PGR: variants seen among roughly 807,000 people sequenced by gnomAD.
PGR encodes the protein nuclear receptor subfamily 3 group C member 3.
A neutral mutation model predicts 76.1 loss-of-function variants in PGR; 25 were observed. The observed-to-expected ratio is 0.33, with a 90% CI of 0.24 to 0.46. The LOEUF is 0.46. Ranked by LOEUF, PGR falls within the 20% of genes least tolerant of loss-of-function variation. The pLI, the probability that PGR is intolerant of heterozygous loss-of-function variation, is 1.00. For synonymous variants in PGR, 579 were observed against 535.0 expected (o/e 1.08, Z -1.14); for missense variants, 1,172 against 1,225.3 (o/e 0.96, Z 0.65).
At chr11:101,115,921 C>T (rs889057300) in intron 2 of PGR, among the ~76,000 whole-genome samples, 2 of 152,064 alleles carry the variant, frequency 1.3e-5, no homozygotes, top group Non-Finnish European at 2.9e-5. Context: ...ATGTATTGGG[C>T]CAATTGTGTT....
intron 2 of PGR, among the ~76,000 whole-genome samples, chr11:101,103,887 C>T (rs1253925955): frequency 2.6e-5 from 4 of 152,146 alleles, no homozygotes; most frequent in Non-Finnish European, 5.9e-5. Context: ...TTCTGTTATA[C>T]GTGTTCTACC....
At chr11:101,120,146 G>A (rs752028771) in intron 2 of PGR, among the ~76,000 whole-genome samples, 4 of 152,168 alleles carry the variant, frequency 2.6e-5, no homozygotes, top group African/African-American at 9.6e-5. Flanking sequence ...TGTTGGCCAC[G>A]GCTCTGGCAT....
rs1166395214 is a variant in PGR, at chr11:101,030,558, T to C, written c.*8558A>G. 8.8e-6 allele frequency: 2 copies of C among 225,990 alleles called. No homozygotes were observed. Among genetic ancestry groups the C allele is most frequent in the Non-Finnish European group, 1.8e-5 (2 of 113,556 alleles). 14.0% of individuals were successfully genotyped at this position (225,990 alleles called of 1,614,324 possible). The stretch of plus-strand genomic sequence containing the variant: ...AACTGAAATAATTAATCTTTGTGTT[T>C]TTCTCTTTGGCACTGGACCTTTCTC... On this transcript the variant is annotated 3_prime_UTR_variant, in exon 8 of 8. Transcript: ENST00000325455.
At chr11:101,118,526 GAAAA>G (rs1402108745) in intron 2 of PGR, among the ~76,000 whole-genome samples, 1 of 151,972 alleles carries the variant, frequency 6.6e-6, no homozygotes, top group Non-Finnish European at 1.5e-5. Flanking sequence ...TATGCTTTAA[GAAAA>G]AAGTTATGAT....
intron 2 of PGR, among the ~76,000 whole-genome samples, chr11:101,110,587 C>T (rs1862314606): frequency 6.6e-6 from 1 of 152,126 alleles, no homozygotes; most frequent in Non-Finnish European, 1.5e-5. Flanking sequence ...ATTCAATCTG[C>T]TCCTGGTGAA....
At chr11:101,092,472 C>T (rs559548573) in intron 2 of PGR, among the ~76,000 whole-genome samples, 2 of 152,148 alleles carry the variant, frequency 1.3e-5, no homozygotes, top group South Asian at 4.1e-4. Flanking sequence ...TTAGAAAATA[C>T]CTTGAACAGA....
At chr11:101,091,942 G>T in intron 2 of PGR, 66 bp from the exon 3 acceptor site, 1 of 836,570 alleles carries the variant, frequency 1.2e-6, no homozygotes, top group Non-Finnish European at 2.0e-6. Context: ...TCTATGCAGT[G>T]ACAACTGAAA....
chr11:101,104,954 A>C (rs981751546), intron 2 of PGR, among the ~76,000 whole-genome samples: 3 of 152,180 alleles, frequency 2.0e-5, no homozygotes, highest in Admixed American at 1.3e-4. Flanking sequence ...GTTATGTTTC[A>C]GGATACTCAT....
rs1418100383 is a variant in PGR at position 101,035,882 on chromosome 11, G to C, written c.*3234C>G. The C allele has an allele frequency of 4.3e-6, 1 of 230,414 alleles. No individual in the cohort carries two copies. The highest frequency in any genetic ancestry group is 2.2e-5 in the African/African-American group (1 of 45,178). The allele number at this position is 230,414 out of a possible 1,614,324, so 14.3% of individuals were successfully genotyped here. On this transcript the variant is annotated 3_prime_UTR_variant, in exon 8 of 8. Coordinates refer to ENST00000325455, the MANE Select transcript of PGR (RefSeq NM_000926.4). ...GCTTTCACTGTAGAATATAGCTGGT[G>C]AGTTTGATAAAATTATAGCCAGAAC...
At chr11:101,041,664 A>C (rs1196435226) in intron 7 of PGR, 1 of 360,472 alleles carries the variant, frequency 2.8e-6, no homozygotes, top group African/African-American at 2.1e-5. Context: ...AATTTTAGGC[A>C]CAAATATTTT....
intron 3 of PGR, among the ~76,000 whole-genome samples, chr11:101,090,146 C>T (rs990877587): frequency 1.3e-5 from 2 of 151,964 alleles, no homozygotes; most frequent in Non-Finnish European, 2.9e-5. Flanking sequence ...TGCAGTGAGC[C>T]AAGATTGCAC....
In PGR at chr11:101,042,084, C is replaced by T. The variant is rs1000609240; in HGVS notation, c.2507G>A (p.Arg836Gln). The T allele has an allele frequency of 9.9e-6, 16 of 1,613,316 alleles. No individual in the cohort carries two copies. Among genetic ancestry groups the T allele is most frequent in the Middle Eastern group, 3.3e-4 (2 of 6,082 alleles). Residue 836 changes from arginine (R) to glutamine (Q), a missense_variant, in exon 7 of 8, where the codon CGA becomes CAA. By Grantham distance (43) the Arg-to-Gln change is conservative. This residue lies in a region of PGR where 166 missense variants were observed against 296.0 expected (regional missense o/e 0.56). Coordinates refer to ENST00000325455, the MANE Select transcript of PGR (RefSeq NM_000926.4). ...LLNTIPLEGL[R>Q]SQTQFEEMRS... is the part of the protein sequence containing the mutation. ...CATCTCCTCAAACTGGGTTTGACTT[C>T]GTAGCCCTTCCAAAGGAACTGTTAA...
At chr11:101,102,631 T>G (rs1333452985) in intron 2 of PGR, among the ~76,000 whole-genome samples, 1 of 152,016 alleles carries the variant, frequency 6.6e-6, no homozygotes, top group Non-Finnish European at 1.5e-5. Flanking sequence ...GATCCAAGGA[T>G]TTTTGATAAA....
Position 101,038,999 on chromosome 11 carries a change from G to T in PGR, c.*117C>A. 1 of 700,690 alleles carries T rather than the reference G, an allele frequency of 1.4e-6. No homozygotes were observed. Among genetic ancestry groups the T allele is most frequent in the Non-Finnish European group, 2.4e-6 (1 of 408,734 alleles). 43.4% of individuals were successfully genotyped at this position (700,690 alleles called of 1,614,324 possible). ...TTTTTCTTTTAAATTTACACACTAT[G>T]ATGTTATAAATGTAAGGCTTTCAGA... On this transcript the variant is annotated 3_prime_UTR_variant, in exon 8 of 8. Transcript: ENST00000325455.
rs1862304177 is a variant in PGR, at chr11:101,110,274, A to C, written c.1789+15733T>G. On this transcript the variant is annotated intron_variant, in intron 2 of 7. Transcript: ENST00000325455. ...CCTCTGATGAATCTGGGCAAAGTAC[A>C]TTGAAAATCTTTTAGAAAGCGTTCA... Among the ~76,000 whole-genome samples, 5 of 152,192 alleles carry C rather than the reference A, an allele frequency of 3.3e-5. No homozygotes were observed. In the South Asian group the frequency reaches 1.0e-3, roughly 31 times the overall value.
At chr11:101,080,378 C>T (rs778401612) in intron 3 of PGR, among the ~76,000 whole-genome samples, 3 of 150,850 alleles carry the variant, frequency 2.0e-5, no homozygotes, top group Non-Finnish European at 4.4e-5. Context: ...TCCTACCCAG[C>T]ATTCTTTAGA....
chr11:101,053,306 CT>C (rs1428968042), intron 4 of PGR, among the ~76,000 whole-genome samples: 1 of 152,136 alleles, frequency 6.6e-6, no homozygotes, highest in Non-Finnish European at 1.5e-5. Flanking sequence ...AAAGAAGGCT[CT>C]TCTCTTCATA....
At position 101,032,046 on chromosome 11, in the gene PGR, A is replaced by G. The variant is rs1422660904; in HGVS notation, c.*7070T>C. 1 of 232,866 alleles carries G rather than the reference A, an allele frequency of 4.3e-6. No individual in the cohort carries two copies. The highest frequency in any genetic ancestry group is 8.5e-6 in the Non-Finnish European group (1 of 117,854). 14.4% of individuals were successfully genotyped at this position (232,866 alleles called of 1,614,324 possible). A position where few individuals can be genotyped will look rare whatever the true frequency, so the allele number is the denominator to read the frequency against. On this transcript the variant is annotated 3_prime_UTR_variant, in exon 8 of 8. Coordinates refer to ENST00000325455, the MANE Select transcript of PGR (RefSeq NM_000926.4). ...ACAGATAGAATTCTGGGACTTGGGA[A>G]AACTAAGTTTTGTAGTTTTTGGTTT... is the stretch of plus-strand genomic sequence containing the variant.
chr11:101,086,281 C>A (rs1303298512), intron 3 of PGR, among the ~76,000 whole-genome samples: 3 of 151,962 alleles, frequency 2.0e-5, no homozygotes, highest in Non-Finnish European at 4.4e-5. Context: ...GGAAGGTTAG[C>A]TCAATATATG....
Sources: gnomAD v4.1 joint callset for allele counts (sites outside exome capture counted in the v4.1 genomes callset) on GRCh38, gnomAD v4.1.1 for gene constraint, gnomAD v4.1.1 regional missense constraint, MANE v1.5 for transcripts, NCBI Gene and HGNC (gene_info 2026-07-23, HGNC 2026-07-21) for gene names.